The following STK3 variants were observed in gnomAD, a reference collection of about 807,000 sequenced individuals.
The protein encoded by STK3 is serine/threonine-protein kinase 3.
STK3 carries 41 observed loss-of-function variants against 58.0 expected under a neutral mutation model. The observed-to-expected ratio is 0.71, with a 90% CI of 0.55 to 0.92. The LOEUF (loss-of-function observed/expected upper bound fraction) is 0.92, where lower values mean the gene tolerates loss of function less well. Among genes scored for constraint, STK3 ranks in the 40% least tolerant of loss-of-function variants. The pLI, the probability that STK3 is intolerant of heterozygous loss-of-function variation, is 0.00. For synonymous variants in STK3, 170 were observed against 191.0 expected (o/e 0.89, Z 0.91); for missense variants, 479 against 602.7 (o/e 0.79, Z 2.15).
At chr8:98,693,125 A>G (rs548079322) in intron 6 of STK3, among the ~76,000 whole-genome samples, 1 of 152,284 alleles carries the variant, frequency 6.6e-6, no homozygotes, top group Admixed American at 6.5e-5. Context: ...GGCTGGGTGC[A>G]GTGGCTCACA....
chr8:98,660,529 T>C (rs1821888170), intron 6 of STK3, among the ~76,000 whole-genome samples: 1 of 152,094 alleles, frequency 6.6e-6, no homozygotes, highest in Non-Finnish European at 1.5e-5. Flanking sequence ...AAAACATGTA[T>C]GTTATGTGTT....
At chr8:98,522,731 A>C (rs1198782878) in intron 10 of STK3, among the ~76,000 whole-genome samples, 1 of 152,118 alleles carries the variant, frequency 6.6e-6, no homozygotes, top group Non-Finnish European at 1.5e-5. Flanking sequence ...GTGAGAACCA[A>C]CATTTTATTT....
chr8:98,496,956 G>T (rs10955179), intron 10 of STK3, among the ~76,000 whole-genome samples: 68,621 of 151,608 alleles, frequency 0.45, 15,679 homozygotes, highest in Admixed American at 0.55. Flanking sequence ...AAATTTTATG[G>T]TTTTTTTTAA....
intron 6 of STK3, among the ~76,000 whole-genome samples, chr8:98,690,395 T>C (rs1171689040): frequency 6.9e-6 from 1 of 144,500 alleles, no homozygotes; most frequent in Admixed American, 7.3e-5. Context: ...TATACGCTAA[T>C]AATGTTCAAG....
chr8:98,941,154 G>A (rs1396418702), intron 1 of STK3, among the ~76,000 whole-genome samples: 1 of 152,216 alleles, frequency 6.6e-6, no homozygotes, highest in African/African-American at 2.4e-5. Flanking sequence ...GCCGGCTGCG[G>A]ACTGCAGCCC....
intron 10 of STK3, among the ~76,000 whole-genome samples, chr8:98,463,604 T>C (rs1820187296): frequency 6.6e-6 from 1 of 152,164 alleles, no homozygotes; most frequent in Non-Finnish European, 1.5e-5. Flanking sequence ...CAGAAAGAGT[T>C]GTCAGTAAAA....
At chr8:98,431,517 G>C (rs1818330185) in intron 3 of STK3, 1 of 167,116 alleles carries the variant, frequency 6.0e-6, no homozygotes, top group Admixed American at 6.5e-5. Context: ...CTGCACTGAA[G>C]GCAGGTGGTG....
chr8:98,905,275 C>T (rs1479978635), intron 1 of STK3: 4 of 827,760 alleles, frequency 4.8e-6, no homozygotes, highest in African/African-American at 1.7e-5. Context: ...GTTGTCAAGG[C>T]CCCTGACGGT....
intron 6 of STK3, among the ~76,000 whole-genome samples, chr8:98,614,764 G>A (rs781570131): frequency 6.6e-6 from 1 of 152,100 alleles, no homozygotes; most frequent in African/African-American, 2.4e-5. Flanking sequence ...CTTAAAAAAC[G>A]GCGCACCACG....
intron 10 of STK3, among the ~76,000 whole-genome samples, chr8:98,515,226 T>C (rs1289571048): frequency 1.3e-5 from 2 of 152,100 alleles, no homozygotes; most frequent in African/African-American, 4.8e-5. Context: ...TTTCCCCTCA[T>C]AAAAATTTTT....
intron 3 of STK3, among the ~76,000 whole-genome samples, chr8:98,841,528 G>GA (rs1042071639): frequency 4.7e-5 from 7 of 149,456 alleles, no homozygotes; most frequent in Non-Finnish European, 8.9e-5. Flanking sequence ...TCTAAAAAAA[G>GA]AAAAAAAAAG....
At chr8:98,498,566 T>C (rs1823329031) in intron 10 of STK3, among the ~76,000 whole-genome samples, 1 of 152,202 alleles carries the variant, frequency 6.6e-6, no homozygotes, top group South Asian at 2.1e-4. Context: ...AAAAGGAGGA[T>C]CTTTTGCAAC....
At chr8:98,488,173 G>C (rs1238873774) in intron 10 of STK3, among the ~76,000 whole-genome samples, 1 of 152,144 alleles carries the variant, frequency 6.6e-6, no homozygotes, top group East Asian at 1.9e-4. Context: ...CTAAAGACTG[G>C]GCGACATGGC....
At chr8:98,353,156 G>T in the STK3 span, among the ~76,000 whole-genome samples, 1 of 152,200 alleles carries the variant, frequency 6.6e-6, no homozygotes, top group Admixed American at 6.5e-5. Context: ...ATAAAATTAC[G>T]TTCAGATTAT....
intron 8 of STK3, among the ~76,000 whole-genome samples, chr8:98,549,749 G>T (rs188778697): frequency 3.8e-4 from 58 of 150,838 alleles, no homozygotes; most frequent in Non-Finnish European, 7.5e-4. Flanking sequence ...AATCCTGTTT[G>T]AAAGACCAAC....
At chr8:98,599,404 G>A (rs1816130077) in intron 6 of STK3, among the ~76,000 whole-genome samples, 1 of 151,992 alleles carries the variant, frequency 6.6e-6, no homozygotes. Context: ...ACTGGCTTGA[G>A]TTCTAAATCA....
At chr8:98,907,427 C>A (rs1483527033) in intron 1 of STK3, among the ~76,000 whole-genome samples, 1 of 149,390 alleles carries the variant, frequency 6.7e-6, no homozygotes, top group Admixed American at 6.7e-5. Context: ...GCAGGAGAAT[C>A]CCTTGAACCT....
At chr8:98,803,311 G>T (rs1350410668) in intron 1 of STK3, among the ~76,000 whole-genome samples, 1 of 152,002 alleles carries the variant, frequency 6.6e-6, no homozygotes, top group Non-Finnish European at 1.5e-5. Flanking sequence ...GTAAAAACAG[G>T]CCAGGCATGG....
At chr8:98,465,145 G>C (rs1467904548) in intron 10 of STK3, among the ~76,000 whole-genome samples, 1 of 152,160 alleles carries the variant, frequency 6.6e-6, no homozygotes, top group African/African-American at 2.4e-5. Flanking sequence ...TGTACACTAA[G>C]TCATTGAAGC....
Sources: gnomAD v4.1 joint callset for allele counts (sites outside exome capture counted in the v4.1 genomes callset) on GRCh38, gnomAD v4.1.1 for gene constraint, MANE v1.5 for transcripts, NCBI Gene and HGNC (gene_info 2026-07-23, HGNC 2026-07-21) for gene names.